Variants in SCFD2 observed in about 807,000 individuals in gnomAD.
SCFD2 encodes sec1 family domain-containing protein 2.
In SCFD2, 54 loss-of-function variants were observed where a neutral mutation model predicts 58.9. The ratio of observed to expected loss-of-function variants is 0.92; its 90% CI spans 0.74 to 1.15. The LOEUF (loss-of-function observed/expected upper bound fraction) is 1.15. Ranked by LOEUF, SCFD2 falls within the 50% of genes most tolerant of loss-of-function variation. The probability of loss-of-function intolerance (pLI) is 0.00; values close to 1 mark genes in which losing one functional copy is unlikely to be tolerated. For synonymous variants in SCFD2, 321 were observed against 335.9 expected (o/e 0.96, Z 0.49); for missense variants, 805 against 836.6 (o/e 0.96, Z 0.47).
At chr4:53,183,920 C>CA (rs1466453123) in intron 4 of SCFD2, among the ~76,000 whole-genome samples, 10 of 152,228 alleles carry the variant, frequency 6.6e-5, no homozygotes, top group African/African-American at 2.4e-4. Flanking sequence ...ACACACAGAA[C>CA]AGTTAATCTG....
chr4:53,149,500 G>A (rs1325877237), intron 4 of SCFD2, among the ~76,000 whole-genome samples: 2 of 152,198 alleles, frequency 1.3e-5, no homozygotes, highest in Non-Finnish European at 2.9e-5. Context: ...TGTAGAGGAA[G>A]AGACAAATCT....
intron 4 of SCFD2, among the ~76,000 whole-genome samples, chr4:53,150,538 G>A (rs114314387): frequency 0.019 from 2,934 of 152,226 alleles, 41 homozygotes; most frequent in Middle Eastern, 0.048. Context: ...AAAAAAATCC[G>A]TGACTCCATA....
chr4:53,202,839 G>T (rs1001414667), intron 4 of SCFD2, among the ~76,000 whole-genome samples: 2 of 152,104 alleles, frequency 1.3e-5, no homozygotes, highest in African/African-American at 4.8e-5. Flanking sequence ...TCTGTTATTG[G>T]TGTATAAGAA....
At chr4:52,892,250 G>A (rs1326130086) in intron 7 of SCFD2, among the ~76,000 whole-genome samples, 1 of 152,102 alleles carries the variant, frequency 6.6e-6, no homozygotes, top group Non-Finnish European at 1.5e-5. Flanking sequence ...CCCGTCCGGT[G>A]GAATCCACCA....
intron 1 of SCFD2, among the ~76,000 whole-genome samples, chr4:53,353,359 G>A (rs1157948079): frequency 6.6e-6 from 1 of 152,166 alleles, no homozygotes; most frequent in Non-Finnish European, 1.5e-5. Context: ...GAGTGTTACA[G>A]CTCATAAAGG....
At chr4:52,973,630 A>T (rs1478240898) in intron 5 of SCFD2, among the ~76,000 whole-genome samples, 1 of 152,230 alleles carries the variant, frequency 6.6e-6, no homozygotes, top group African/African-American at 2.4e-5. Flanking sequence ...AACTATTCCA[A>T]TCAACAGAAA....
intron 5 of SCFD2, among the ~76,000 whole-genome samples, chr4:52,989,684 T>C (rs1003286858): frequency 6.6e-6 from 1 of 152,234 alleles, no homozygotes. Flanking sequence ...TTGGATTCTA[T>C]TCACCTTGAT....
intron 2 of SCFD2, among the ~76,000 whole-genome samples, chr4:53,344,011 T>G (rs1184532533): frequency 2.0e-5 from 3 of 152,170 alleles, no homozygotes; most frequent in African/African-American, 7.2e-5. Flanking sequence ...GGACAAAAAC[T>G]GGAAGCATTC....
rs148479077 is a variant in SCFD2, at chr4:52,927,132, G to A, written c.1562-6262C>T. Among the ~76,000 whole-genome samples the A allele has an allele frequency of 5.8e-3, 884 of 152,118 alleles. 3 individuals are homozygous for A. The highest frequency in any genetic ancestry group is 9.1e-3 in the Non-Finnish European group (620 of 68,002). On this transcript the variant is annotated intron_variant, in intron 5 of 8. Transcript: ENST00000401642. ...AATAAGCTTGGACTGATGTGTGATT[G>A]GAAAAGTCATTAAAAGAGGAGGATC... is the stretch of plus-strand genomic sequence containing the variant.
rs114973439 is a variant in SCFD2 at position 53,228,215 on chromosome 4, T to C, written c.1311+45611A>G. 1.0e-3 allele frequency among the ~76,000 whole-genome samples: 158 copies of C among 152,298 alleles called. 1 individual carries two copies. The highest frequency in any genetic ancestry group is 3.7e-3 in the African/African-American group (155 of 41,566). ...ATGGGGTGGTAGTGGGGATCAACTA[T>C]CTCATAATTTCAGTACAAACATCTT... is the stretch of plus-strand genomic sequence containing the variant. On this transcript the variant is annotated intron_variant, in intron 4 of 8. Transcript: ENST00000401642.
intron 5 of SCFD2, among the ~76,000 whole-genome samples, chr4:53,053,610 C>A (rs1490553810): frequency 6.6e-6 from 1 of 152,066 alleles, no homozygotes; most frequent in African/African-American, 2.4e-5. Context: ...TCATATGGCT[C>A]TCCCTCAAGT....
intron 5 of SCFD2, among the ~76,000 whole-genome samples, chr4:53,066,267 C>T (rs1394913409): frequency 6.6e-6 from 1 of 152,090 alleles, no homozygotes; most frequent in East Asian, 1.9e-4. Context: ...AAAATCAAAC[C>T]TGTAACATTA....
chr4:53,207,539 A>ATATAT (rs1417844258), intron 4 of SCFD2, among the ~76,000 whole-genome samples: 1 of 87,368 alleles, frequency 1.1e-5, no homozygotes, highest in Non-Finnish European at 2.1e-5. Context: ...TTTATATATT[A>ATATAT]TATATATAAT....
intron 5 of SCFD2, among the ~76,000 whole-genome samples, chr4:53,122,407 T>G (rs1444172111): frequency 6.6e-6 from 1 of 150,532 alleles, no homozygotes; most frequent in East Asian, 1.9e-4. Context: ...CTCTGACCTC[T>G]GAACCCTGAC....
intron 5 of SCFD2, among the ~76,000 whole-genome samples, chr4:53,144,372 C>T (rs1473848067): frequency 8.0e-5 from 12 of 149,250 alleles, no homozygotes; most frequent in East Asian, 2.0e-4. Flanking sequence ...TATATACACA[C>T]GTGTGTGTGC....
intron 5 of SCFD2, among the ~76,000 whole-genome samples, chr4:53,098,670 C>T (rs929957635): frequency 1.3e-5 from 2 of 151,984 alleles, no homozygotes; most frequent in Non-Finnish European, 1.5e-5. Flanking sequence ...TGGTTATCTC[C>T]TCAGTACTTT....
intron 5 of SCFD2, among the ~76,000 whole-genome samples, chr4:53,024,591 T>C (rs1036877827): frequency 1.1e-4 from 17 of 152,318 alleles, no homozygotes; most frequent in African/African-American, 3.8e-4. Context: ...AGTGCCAAAT[T>C]GAGACCACTA....
At chr4:52,906,237 A>G (rs146020897) in intron 7 of SCFD2, among the ~76,000 whole-genome samples, 5 of 152,280 alleles carry the variant, frequency 3.3e-5, no homozygotes, top group African/African-American at 1.2e-4. Flanking sequence ...GAGAGGGCAT[A>G]TTGGCATTTG....
intron 5 of SCFD2, among the ~76,000 whole-genome samples, chr4:53,024,092 C>T (rs73141439): frequency 3.9e-5 from 6 of 152,086 alleles, no homozygotes; most frequent in East Asian, 1.9e-4. Context: ...CCAATGGAAA[C>T]CTGCTGGTTT....
Sources: gnomAD v4.1 joint callset for allele counts (sites outside exome capture counted in the v4.1 genomes callset) on GRCh38, gnomAD v4.1.1 for gene constraint, MANE v1.5 for transcripts, NCBI Gene and HGNC (gene_info 2026-07-23, HGNC 2026-07-21) for gene names.